Variants in MAP3K1 observed in about 807,000 individuals in gnomAD.
The protein encoded by MAP3K1 is mitogen-activated protein kinase kinase kinase 1.
A neutral mutation model predicts 144.2 loss-of-function variants in MAP3K1; 36 were observed. The ratio of observed to expected loss-of-function variants is 0.25; its 90% CI spans 0.19 to 0.33. MAP3K1 has a LOEUF of 0.33. Ranked by LOEUF, MAP3K1 falls within the 10% of genes least tolerant of loss-of-function variation. The probability of loss-of-function intolerance (pLI) is 1.00; values close to 1 mark genes in which losing one functional copy is unlikely to be tolerated. For synonymous variants in MAP3K1, 718 were observed against 688.7 expected (o/e 1.04, Z -0.67); for missense variants, 1,650 against 1,881.9 (o/e 0.88, Z 2.28).
intron 11 of MAP3K1, 100 bp from the exon 12 acceptor site, chr5:56,880,611 T>C (rs1226134694): frequency 3.8e-6 from 3 of 790,182 alleles, no homozygotes; most frequent in African/African-American, 3.4e-5. Flanking sequence ...CTGAAAACAT[T>C]ATTTCTCCAC....
At chr5:56,834,453 G>A (rs1746587098) in intron 1 of MAP3K1, among the ~76,000 whole-genome samples, 7 of 152,196 alleles carry the variant, frequency 4.6e-5, no homozygotes. Flanking sequence ...TATGAGGACA[G>A]CTTGTTGAAT....
rs1748181922 is a variant in MAP3K1 at position 56,880,810 on chromosome 5, C to G, written c.2179+8C>G. On this transcript the variant is annotated splice_region_variant and intron_variant, in intron 12 of 19. Coordinates refer to ENST00000399503, the MANE Select transcript of MAP3K1 (RefSeq NM_005921.2). ...GAGAAATACTAAAAGCTGGTAATAA[C>G]TTTTCACTTAAAAGGAATATAGCAT... The G allele has an allele frequency of 6.2e-7, 1 of 1,606,894 alleles. No individual in the cohort carries two copies. The highest frequency in any genetic ancestry group is 1.3e-5 in the African/African-American group (1 of 74,864).
In MAP3K1 at chr5:56,882,086, C is replaced by T. The variant is rs201198197; in HGVS notation, c.2886C>T (p.Pro962=). Residue 962 remains proline (P), a synonymous_variant, in exon 14 of 20, where the codon CCC becomes CCT. Transcript: ENST00000399503. The part of the protein sequence containing the change: ...PKPMVQTKGR[P]HSQCLNSSPL... ...CAATGGTTCAAACAAAAGGCAGACC[C>T]CACAGTCAGTGTTTGAACTCCTCTC... 2 of 1,613,982 alleles carry T rather than the reference C, an allele frequency of 1.2e-6. No individual in the cohort carries two copies. Among genetic ancestry groups the T allele is most frequent in the East Asian group, 2.2e-5 (1 of 44,898 alleles).
At chr5:56,836,522 A>C (rs1213871610) in intron 1 of MAP3K1, among the ~76,000 whole-genome samples, 1 of 152,054 alleles carries the variant, frequency 6.6e-6, no homozygotes, top group African/African-American at 2.4e-5. Flanking sequence ...GCTTTCTTGG[A>C]TGGGGAAAGT....
At chr5:56,831,343 G>A (rs1320779075) in intron 1 of MAP3K1, among the ~76,000 whole-genome samples, 3 of 152,080 alleles carry the variant, frequency 2.0e-5, no homozygotes, top group East Asian at 1.9e-4. Context: ...AGAGCAGGGG[G>A]TAGAAAAGGG....
intron 19 of MAP3K1, among the ~76,000 whole-genome samples, chr5:56,890,411 A>C (rs1389688584): frequency 6.6e-6 from 1 of 152,210 alleles, no homozygotes; most frequent in Non-Finnish European, 1.5e-5. Flanking sequence ...ATTTGGAGTA[A>C]ATACTTTGAG....
At position 56,894,025 on chromosome 5, in the gene MAP3K1, C is replaced by A; in HGVS notation, c.*345C>A. 2.5e-6 allele frequency: 1 copy of A among 396,766 alleles called. No individual in the cohort carries two copies. Among genetic ancestry groups the A allele is most frequent in the Non-Finnish European group, 4.7e-6 (1 of 212,450 alleles). The allele number at this position is 396,766 out of a possible 1,614,324, so 24.6% of individuals were successfully genotyped here. A position where few individuals can be genotyped will look rare whatever the true frequency, so the allele number is the denominator to read the frequency against. ...TATTAGCGGCTGAGGGGCTCAGGAT[C>A]TATTTTAATATTTCAATTATTCTTC... On this transcript the variant is annotated 3_prime_UTR_variant, in exon 20 of 20. Transcript: ENST00000399503.
intron 1 of MAP3K1, among the ~76,000 whole-genome samples, chr5:56,840,439 C>T (rs1327135015): frequency 1.3e-5 from 2 of 151,938 alleles, no homozygotes; most frequent in South Asian, 2.1e-4. Context: ...TGAGCCACTG[C>T]GTCCAGCCAA....
intron 1 of MAP3K1, chr5:56,816,995 G>A: frequency 1.2e-6 from 1 of 859,690 alleles, no homozygotes. Flanking sequence ...ACTGCGGCGC[G>A]GGTGCAGTGC....
intron 15 of MAP3K1, 100 bp from the exon 16 acceptor site, chr5:56,884,564 C>T: frequency 9.3e-7 from 1 of 1,074,546 alleles, no homozygotes; most frequent in Non-Finnish European, 1.4e-6. Context: ...AGCATAAATG[C>T]CATCTGTTGC....
In MAP3K1 at chr5:56,883,647, G is replaced by T; in HGVS notation, c.3787G>T (p.Val1263Leu). The T allele has an allele frequency of 6.2e-7, 1 of 1,614,112 alleles. No individual in the cohort carries two copies. Among genetic ancestry groups the T allele is most frequent in the Non-Finnish European group, 8.5e-7 (1 of 1,179,976 alleles). Residue 1263 changes from valine to leucine, a missense_variant, in exon 15 of 20, where the codon GTG (valine) becomes TTG (leucine). By Grantham distance (32) the Val-to-Leu change is conservative (BLOSUM62 1). This residue lies in a region of MAP3K1 where 165 missense variants were observed against 322.9 expected (regional missense o/e 0.51). Coordinates refer to ENST00000399503, the MANE Select transcript of MAP3K1 (RefSeq NM_005921.2). ...AFSSCYQAQDVGTGTLMAVKQ... is the reference protein window; with the variant it reads ...AFSSCYQAQDLGTGTLMAVKQ... ...TTCTTCTTGTTATCAGGCTCAAGATGTGGGAACTGGAACTTTAATGGCTGT... is the reference window on the plus strand; with the variant it reads ...TTCTTCTTGTTATCAGGCTCAAGATTTGGGAACTGGAACTTTAATGGCTGT...
chr5:56,895,491 A>T lies in MAP3K1; in HGVS notation c.*1811A>T, dbSNP rs1022600811. On this transcript the variant is annotated 3_prime_UTR_variant, in exon 20 of 20. Coordinates refer to ENST00000399503, the MANE Select transcript of MAP3K1 (RefSeq NM_005921.2). Reference sequence around the variant, plus strand: ...TATGTACTGGAAGATCATTGGTCAGATGAATACTGTGTCTGACAAAAATGT... The same window carrying T: ...TATGTACTGGAAGATCATTGGTCAGTTGAATACTGTGTCTGACAAAAATGT... The T allele has an allele frequency of 1.7e-5, 4 of 231,434 alleles. No homozygotes were observed. Among genetic ancestry groups the T allele is most frequent in the African/African-American group, 8.8e-5 (4 of 45,218 alleles). The allele number at this position is 231,434 out of a possible 1,614,324, so 14.3% of individuals were successfully genotyped here.
intron 15 of MAP3K1, among the ~76,000 whole-genome samples, chr5:56,883,913 C>T (rs1433223936): frequency 2.0e-5 from 3 of 152,082 alleles, no homozygotes; most frequent in Non-Finnish European, 4.4e-5. Flanking sequence ...CTTTGGGAGG[C>T]CAAGGTGGTT....
intron 19 of MAP3K1, among the ~76,000 whole-genome samples, chr5:56,892,029 G>T (rs1416116701): frequency 6.6e-6 from 1 of 152,094 alleles, no homozygotes; most frequent in African/African-American, 2.4e-5. Context: ...CTCTTTTTTG[G>T]TTCCATATGA....
At chr5:56,826,679 T>C (rs1293486555) in intron 1 of MAP3K1, among the ~76,000 whole-genome samples, 1 of 152,238 alleles carries the variant, frequency 6.6e-6, no homozygotes, top group Non-Finnish European at 1.5e-5. Context: ...AGGTTGTAGG[T>C]GAGCAAGCAC....
chr5:56,851,323 A>G (rs1031538308), intron 1 of MAP3K1, among the ~76,000 whole-genome samples: 2 of 152,166 alleles, frequency 1.3e-5, no homozygotes, highest in African/African-American at 2.4e-5. Flanking sequence ...TAGTCAGACT[A>G]TTTGAGGTTG....
intron 1 of MAP3K1, among the ~76,000 whole-genome samples, chr5:56,851,299 C>T (rs1170964421): frequency 1.3e-5 from 2 of 152,110 alleles, no homozygotes; most frequent in Non-Finnish European, 2.9e-5. Context: ...AGGCATTGTG[C>T]AGAACTAGTG....
chr5:56,860,691 A>G (rs1472960795), intron 3 of MAP3K1, among the ~76,000 whole-genome samples: 1 of 151,986 alleles, frequency 6.6e-6, no homozygotes, highest in Non-Finnish European at 1.5e-5. Flanking sequence ...CATCTCTACT[A>G]AAAATACAGA....
chr5:56,861,049 T>C (rs964332716), intron 3 of MAP3K1, among the ~76,000 whole-genome samples: 3 of 152,216 alleles, frequency 2.0e-5, no homozygotes, highest in Admixed American at 6.5e-5. Flanking sequence ...TAATGAAATA[T>C]GTGAACATTT....
Sources: gnomAD v4.1 joint callset for allele counts (sites outside exome capture counted in the v4.1 genomes callset) on GRCh38, gnomAD v4.1.1 for gene constraint, gnomAD v4.1.1 regional missense constraint, MANE v1.5 for transcripts, NCBI Gene and HGNC (gene_info 2026-07-23, HGNC 2026-07-21) for gene names.